ARHGAP24: variants seen among roughly 807,000 people sequenced by gnomAD.
The protein encoded by ARHGAP24 is rho GTPase-activating protein 24.
Under a neutral mutation model 76.4 loss-of-function variants are expected in ARHGAP24, and 50 were observed. The observed-to-expected ratio is 0.65, with a 90% CI of 0.52 to 0.83. The LOEUF (loss-of-function observed/expected upper bound fraction) is 0.83. ARHGAP24 is among the 40% of genes least tolerant of loss of function. The pLI is 0.00. For synonymous variants in ARHGAP24, 345 were observed against 323.3 expected (o/e 1.07, Z -0.72); for missense variants, 930 against 914.2 (o/e 1.02, Z -0.22).
chr4:85,669,244 G>T (rs1423435234), intron 2 of ARHGAP24, among the ~76,000 whole-genome samples: 2 of 141,072 alleles, frequency 1.4e-5, no homozygotes, highest in African/African-American at 4.9e-5. Context: ...GTTATCTAGA[G>T]AAACAACATG....
chr4:85,717,135 G>A (rs1176228260), intron 2 of ARHGAP24, among the ~76,000 whole-genome samples: 1 of 152,090 alleles, frequency 6.6e-6, no homozygotes. Context: ...TTTGGCTCAA[G>A]TGCATGGGGA....
chr4:85,534,849 G>A (rs948029203), intron 1 of ARHGAP24, among the ~76,000 whole-genome samples: 4 of 151,410 alleles, frequency 2.6e-5, no homozygotes, highest in Non-Finnish European at 4.4e-5. Context: ...GACTGAATAG[G>A]TGAACATGCT....
chr4:85,943,553 G>C (rs545186293), intron 5 of ARHGAP24, among the ~76,000 whole-genome samples: 1 of 152,164 alleles, frequency 6.6e-6, no homozygotes, highest in Admixed American at 6.5e-5. Flanking sequence ...GTGGTTTGCT[G>C]CACCCATCAA....
At position 85,598,750 on chromosome 4, in the gene ARHGAP24, T is replaced by TG. The variant is rs201267574; in HGVS notation, c.180+28029_180+28030insG. Reference sequence around the variant, plus strand: ...TTGAAATCACTGTTTTGTTTTGTTTTTTTTTTTTTACAATATTCCTCAAGT... The same window carrying TG: ...TTGAAATCACTGTTTTGTTTTGTTTTGTTTTTTTTTACAATATTCCTCAAGT... On this transcript the variant is annotated intron_variant, in intron 2 of 9. Coordinates refer to ENST00000395184, the MANE Select transcript of ARHGAP24 (RefSeq NM_001025616.3). Among the ~76,000 whole-genome samples the TG allele has an allele frequency of 8.6e-4, 128 of 149,000 alleles. 2 individuals are homozygous for TG. The highest frequency in any genetic ancestry group is 2.5e-3 in the Admixed American group (38 of 15,052).
chr4:85,676,805 A>G (rs1339709498), intron 2 of ARHGAP24, among the ~76,000 whole-genome samples: 1 of 152,232 alleles, frequency 6.6e-6, no homozygotes, highest in African/African-American at 2.4e-5. Context: ...TTCCCTAAAT[A>G]TACTGCACTT....
chr4:85,528,026 C>T (rs1725083013), intron 1 of ARHGAP24, among the ~76,000 whole-genome samples: 1 of 152,028 alleles, frequency 6.6e-6, no homozygotes, highest in Non-Finnish European at 1.5e-5. Context: ...CAATAGATTA[C>T]AAAATGACAG....
intron 3 of ARHGAP24, among the ~76,000 whole-genome samples, chr4:85,889,111 G>T (rs1030587001): frequency 6.6e-6 from 1 of 152,092 alleles, no homozygotes; most frequent in African/African-American, 2.4e-5. Flanking sequence ...CTTTATAAAA[G>T]AATGATTTAA....
At chr4:85,889,637 A>G (rs190069900) in intron 3 of ARHGAP24, among the ~76,000 whole-genome samples, 3 of 152,304 alleles carry the variant, frequency 2.0e-5, no homozygotes, top group East Asian at 3.9e-4. Flanking sequence ...CTTGTTTACT[A>G]ATGTGTACAG....
At chr4:85,489,948 T>C (rs1356376357) in intron 1 of ARHGAP24, among the ~76,000 whole-genome samples, 3 of 152,142 alleles carry the variant, frequency 2.0e-5, no homozygotes, top group Non-Finnish European at 4.4e-5. Flanking sequence ...CTCTTAGAAA[T>C]AGCCATTAAG....
chr4:85,586,116 T>C (rs898471886), intron 2 of ARHGAP24, among the ~76,000 whole-genome samples: 2 of 152,212 alleles, frequency 1.3e-5, no homozygotes, highest in Non-Finnish European at 2.9e-5. Context: ...GTTATCGCTC[T>C]TTCTTTTTTT....
chr4:85,769,103 C>T (rs761578532), intron 3 of ARHGAP24, among the ~76,000 whole-genome samples: 12 of 151,776 alleles, frequency 7.9e-5, no homozygotes, highest in East Asian at 1.9e-4. Context: ...ATGAAAAAAA[C>T]GGTGATTAAA....
intron 5 of ARHGAP24, among the ~76,000 whole-genome samples, chr4:85,961,992 G>A (rs759743480): frequency 6.6e-6 from 1 of 152,076 alleles, no homozygotes; most frequent in Non-Finnish European, 1.5e-5. Context: ...AAACATGTAG[G>A]CAGGCAGAAT....
At chr4:85,903,427 A>T (rs924252347) in intron 3 of ARHGAP24, among the ~76,000 whole-genome samples, 4 of 152,106 alleles carry the variant, frequency 2.6e-5, no homozygotes, top group African/African-American at 9.6e-5. Flanking sequence ...CTCTTATATT[A>T]TTATATGGCA....
chr4:85,839,871 A>G (rs1187786408), intron 3 of ARHGAP24, among the ~76,000 whole-genome samples: 1 of 97,468 alleles, frequency 1.0e-5, no homozygotes, highest in East Asian at 3.2e-4. Flanking sequence ...TTTTTTTGAG[A>G]CAGAGTCTTG....
chr4:85,982,347 GGATAGGTGCACAAGTA>G (rs1739716300), intron 8 of ARHGAP24, among the ~76,000 whole-genome samples: 1 of 108,376 alleles, frequency 9.2e-6, no homozygotes, highest in African/African-American at 3.3e-5. Context: ...ATTGTGTAAG[GGATAGGTGCACAAGTA>G]GATAAGTTGT....
rs564386504 is a variant in ARHGAP24 at position 85,992,861 on chromosome 4, C to A, written c.929-1722C>A. 3.9e-4 allele frequency among the ~76,000 whole-genome samples: 59 copies of A among 152,178 alleles called. 1 individual carries two copies. Among genetic ancestry groups the A allele is most frequent in the African/African-American group, 1.4e-3 (59 of 41,546 alleles). ...TGATGGTAATTCAATAGATATTTAT[C>A]TTTATCTAACTTTATCTTTAAAACT... On this transcript the variant is annotated intron_variant, in intron 8 of 9. Coordinates refer to ENST00000395184, the MANE Select transcript of ARHGAP24 (RefSeq NM_001025616.3).
chr4:85,496,003 G>C (rs1277878993), intron 1 of ARHGAP24, among the ~76,000 whole-genome samples: 1 of 152,192 alleles, frequency 6.6e-6, no homozygotes, highest in African/African-American at 2.4e-5. Flanking sequence ...TTAGCCTACT[G>C]TTATCTTTGT....
chr4:85,572,764 A>G (rs1180373213), intron 2 of ARHGAP24, among the ~76,000 whole-genome samples: 1 of 151,566 alleles, frequency 6.6e-6, no homozygotes, highest in Non-Finnish European at 1.5e-5. Flanking sequence ...GACCATCACC[A>G]TCCCCCTAAA....
intron 3 of ARHGAP24, among the ~76,000 whole-genome samples, chr4:85,767,330 G>A (rs1726965861): frequency 6.6e-6 from 1 of 152,068 alleles, no homozygotes; most frequent in Non-Finnish European, 1.5e-5. Flanking sequence ...ATTTTTATAT[G>A]GACATGTCTT....
Sources: allele counts gnomAD v4.1 joint callset (sites outside exome capture counted in the v4.1 genomes callset), GRCh38; gene constraint gnomAD v4.1.1; transcripts MANE v1.5; gene names NCBI Gene and HGNC (gene_info 2026-07-23, HGNC 2026-07-21).